GIMAP6: variants seen among roughly 807,000 people sequenced by gnomAD.
GIMAP6 encodes the protein GTPase, IMAP family member 6.
GIMAP6 carries 6 observed loss-of-function variants against 9.3 expected under a neutral mutation model. That is an observed-to-expected ratio of 0.65 (90% confidence interval 0.35 to 1.27). The LOEUF (loss-of-function observed/expected upper bound fraction) is 1.27. Among genes scored for constraint, GIMAP6 ranks in the 50% most tolerant of loss-of-function variants. GIMAP6 has a pLI of 0.03. For synonymous variants in GIMAP6, 156 were observed against 151.1 expected (o/e 1.03, Z -0.24); for missense variants, 333 against 359.5 (o/e 0.93, Z 0.60).
chr7:150,632,102 C>T (rs1563338485), intron 1 of GIMAP6, 67 bp downstream of exon 1: 2 of 152,204 alleles, frequency 1.3e-5, no homozygotes, highest in East Asian at 3.8e-4. Context: ...CATGTAAACA[C>T]ACATGTACAA....
intron 2 of GIMAP6, 199 bp from the exon 3 acceptor site, chr7:150,628,711 C>A: frequency 6.6e-7 from 1 of 1,506,910 alleles, no homozygotes; most frequent in Non-Finnish European, 8.8e-7. Context: ...TCTCCCAGTG[C>A]AAGAGCAGAG....
chr7:150,628,998 T>G (rs1270634846), intron 2 of GIMAP6, among the ~76,000 whole-genome samples: 2 of 152,246 alleles, frequency 1.3e-5, no homozygotes, highest in African/African-American at 4.8e-5. Flanking sequence ...CCAACAGGCC[T>G]TGCTGTGGCC....
At chr7:150,630,168 A>G (rs1444008115) in intron 1 of GIMAP6, 26 bp from the exon 2 acceptor site, 8 of 1,168,348 alleles carry the variant, frequency 6.8e-6, no homozygotes, top group Admixed American at 4.7e-5. Context: ...AAAAAAAAAA[A>G]TCATATGTTC....
In GIMAP6 at chr7:150,627,802, C is replaced by T; in HGVS notation, c.796G>A (p.Glu266Lys). Residue 266 changes from glutamate (E) to lysine (K), a missense_variant, in exon 3 of 3, where the codon GAG becomes AAG. Transcript: ENST00000328902. ...TGGGACAGTCCTTCCAGCCAAGACT[C>T]CTCACCAGGCACGTCCTCAGAGCCT... ...GQGSEDVPGE[E>K]SWLEGLSQIQ... 6.2e-7 allele frequency: 1 copy of T among 1,614,258 alleles called. No individual in the cohort carries two copies. The highest frequency in any genetic ancestry group is 1.1e-5 in the South Asian group (1 of 91,088).
Position 150,628,091 on chromosome 7 carries a change from A to G in GIMAP6, c.507T>C (p.Ala169=). The G allele has an allele frequency of 1.1e-5, 18 of 1,614,172 alleles. No individual in the cohort carries two copies. Among genetic ancestry groups the G allele is most frequent in the Non-Finnish European group, 1.4e-5 (17 of 1,180,010 alleles). The change falls in exon 3 of 3, where the codon GCT becomes GCC. Residue 169 remains alanine (A), a synonymous_variant. Transcript: ENST00000328902. ...GCACATAGTCTTCCAGGGAGCCGCC[A>G]GCCAGGTCTTCCTTCCGGGTGAACA... is the stretch of plus-strand genomic sequence containing the variant. ...ILVFTRKEDL[A]GGSLEDYVRE...
Position 150,626,594 on chromosome 7 carries a change from G to C in GIMAP6, c.*1125C>G, listed in dbSNP as rs1239458650. The C allele has an allele frequency of 6.6e-6, 1 of 152,236 alleles. No homozygotes were observed. The highest frequency in any genetic ancestry group is 2.1e-4 in the South Asian group (1 of 4,828). The allele number at this position is 152,236 out of a possible 1,614,324, so 9.4% of individuals were successfully genotyped here. On this transcript the variant is annotated 3_prime_UTR_variant, in exon 3 of 3. Transcript: ENST00000328902. ...ACAGCCTTCCAGGAAAACATCATGG[G>C]CTTCAGAGTTCTCCCATAAACCAGG...
intron 2 of GIMAP6, among the ~76,000 whole-genome samples, chr7:150,629,621 T>C (rs1464306890): frequency 2.0e-5 from 3 of 152,114 alleles, no homozygotes; most frequent in African/African-American, 7.2e-5. Context: ...ATTCTGCTTG[T>C]GCACAAGGCG....
rs945978046 is a variant in GIMAP6 at position 150,627,466 on chromosome 7, T to C, written c.*253A>G. On this transcript the variant is annotated 3_prime_UTR_variant, in exon 3 of 3. Coordinates refer to ENST00000328902, the MANE Select transcript of GIMAP6 (RefSeq NM_024711.6). ...AAAGGCAATGCAATGAGATAGAAGG[T>C]CCAATAGGAAGACAGCGTGCTGTTG... The C allele has an allele frequency of 8.8e-6, 5 of 569,642 alleles. No homozygotes were observed. In the African/African-American group the frequency reaches 9.4e-5, roughly 11 times the overall value. 35.3% of individuals were successfully genotyped at this position (569,642 alleles called of 1,614,324 possible).
In GIMAP6 at chr7:150,626,292, C is replaced by T. The variant is rs1796291166; in HGVS notation, c.*1427G>A. On this transcript the variant is annotated 3_prime_UTR_variant, in exon 3 of 3. Coordinates refer to ENST00000328902, the MANE Select transcript of GIMAP6 (RefSeq NM_024711.6). The stretch of plus-strand genomic sequence containing the variant: ...CACCAGCTGTACTTCCCGCCCCTCT[C>T]GGGAGAAACTAGCTAAAGGCCCCCT... The T allele has an allele frequency of 1.3e-5, 2 of 152,348 alleles. No homozygotes were observed. Among genetic ancestry groups the T allele is most frequent in the Non-Finnish European group, 2.9e-5 (2 of 68,152 alleles). 9.4% of individuals were successfully genotyped at this position (152,348 alleles called of 1,614,324 possible).
Position 150,627,623 on chromosome 7 carries a change from C to T in GIMAP6, c.*96G>A. ...TACACCAGACGTCATGACCTGGAGA[C>T]TGGGAAGCACTCCATGGGATGGAAA... is the stretch of plus-strand genomic sequence containing the variant. On this transcript the variant is annotated 3_prime_UTR_variant, in exon 3 of 3. Transcript: ENST00000328902. 6.7e-7 allele frequency: 1 copy of T among 1,491,682 alleles called. No individual in the cohort carries two copies. The highest frequency in any genetic ancestry group is 9.3e-7 in the Non-Finnish European group (1 of 1,073,464). 92.4% of individuals were successfully genotyped at this position (1,491,682 alleles called of 1,614,324 possible).
rs1796277744 is a variant in GIMAP6, at chr7:150,625,479, A to T, written c.*2240T>A. On this transcript the variant is annotated 3_prime_UTR_variant, in exon 3 of 3. Coordinates refer to ENST00000328902, the MANE Select transcript of GIMAP6 (RefSeq NM_024711.6). ...TGGTCAAATGCTTGTGTTTTCTATT[A>T]TGACATTACTTAAGCTAATAGAGTT... The T allele has an allele frequency of 6.6e-6, 1 of 152,250 alleles. No individual in the cohort carries two copies. Among genetic ancestry groups the T allele is most frequent in the African/African-American group, 2.4e-5 (1 of 41,468 alleles). 9.4% of individuals were successfully genotyped at this position (152,250 alleles called of 1,614,324 possible).
chr7:150,630,155 A>G lies in GIMAP6; in HGVS notation c.1-13T>C. ...CTTCTTCCTCCATCTACAAAAAAAAAAAAAAAAAAAAAATCATATGTTCTA... is the reference window on the plus strand; with the variant it reads ...CTTCTTCCTCCATCTACAAAAAAAAGAAAAAAAAAAAAATCATATGTTCTA... On this transcript the variant is annotated splice_polypyrimidine_tract_variant and intron_variant, in intron 1 of 2. Coordinates refer to ENST00000328902, the MANE Select transcript of GIMAP6 (RefSeq NM_024711.6). The G allele has an allele frequency of 1.3e-6, 2 of 1,523,032 alleles. No homozygotes were observed. The highest frequency in any genetic ancestry group is 2.3e-5 in the Admixed American group (1 of 44,356). The allele number at this position is 1,523,032 out of a possible 1,614,324, so 94.3% of individuals were successfully genotyped here. A position where few individuals can be genotyped will look rare whatever the true frequency, so the allele number is the denominator to read the frequency against.
At chr7:150,629,610 C>T (rs1386200867) in intron 2 of GIMAP6, among the ~76,000 whole-genome samples, 2 of 152,160 alleles carry the variant, frequency 1.3e-5, no homozygotes, top group Non-Finnish European at 2.9e-5. Context: ...CAGCCAAGTA[C>T]ATTCTGCTTG....
At chr7:150,628,730 G>C in intron 2 of GIMAP6, 3 of 1,473,044 alleles carry the variant, frequency 2.0e-6, no homozygotes. Context: ...AGCCTAGAAA[G>C]AAGAGCGAGA....
Position 150,628,485 on chromosome 7 carries a change from G to T in GIMAP6, c.113C>A (p.Pro38Gln), listed in dbSNP as rs1277737851. The T allele has an allele frequency of 1.2e-6, 2 of 1,613,922 alleles. No homozygotes were observed. The highest frequency in any genetic ancestry group is 1.7e-6 in the Non-Finnish European group (2 of 1,180,014). ...CATGAGAATGAGCCTCAGTCTCCTTGGGGTCTTCTGTTCTTTCTCCCTTAG... is the reference window on the plus strand; with the variant it reads ...CATGAGAATGAGCCTCAGTCTCCTTTGGGTCTTCTGTTCTTTCTCCCTTAG... ...GGLREKEQKT[P>Q]RRLRLILMGK... The change falls in exon 3 of 3, where the codon CCA (proline) becomes CAA (glutamine). Residue 38 changes from proline (P) to glutamine (Q), a missense_variant. Physicochemically the swap from Pro to Gln is moderately conservative, Grantham distance 76 (BLOSUM62 -1). Transcript: ENST00000328902.
In GIMAP6 at chr7:150,628,400, G is replaced by A. The variant is rs199567311; in HGVS notation, c.198C>T (p.Phe66=). 187 of 1,614,052 alleles carry A rather than the reference G, an allele frequency of 1.2e-4. No homozygotes were observed. The highest frequency in any genetic ancestry group is 2.3e-4 in the African/African-American group (17 of 74,924). ...TGNSILGRDV[F]ESKLSTRPVT... ...CGGGTCTGGTGCTGAGTTTAGACTC[G>A]AAGACGTCCCTGCCGAGGATGCTGT... The change falls in exon 3 of 3, where the codon TTC becomes TTT. Residue 66 remains phenylalanine, a synonymous_variant. Coordinates refer to ENST00000328902, the MANE Select transcript of GIMAP6 (RefSeq NM_024711.6).
chr7:150,628,629 C>T, intron 2 of GIMAP6, 117 bp from the exon 3 acceptor site: 1 of 1,591,852 alleles, frequency 6.3e-7, no homozygotes, highest in Non-Finnish European at 8.5e-7. Flanking sequence ...TGTAAAAGAC[C>T]AACATCTGCC....
intron 1 of GIMAP6, among the ~76,000 whole-genome samples, chr7:150,630,701 G>T (rs1233624870): frequency 6.6e-6 from 1 of 152,178 alleles, no homozygotes; most frequent in Non-Finnish European, 1.5e-5. Flanking sequence ...GGGATTGCAG[G>T]GGCTGAGCTG....
At position 150,628,142 on chromosome 7, in the gene GIMAP6, C is replaced by T; in HGVS notation, c.456G>A (p.Val152=). ...VVRRLQEVFG[V]GVLGHTILVF... ...CCAGGATGGTGTGACCCAGAACCCC[C>T]ACTCCAAAGACCTCCTGCAGGCGCC... The change falls in exon 3 of 3, where the codon GTG becomes GTA. Residue 152 remains valine, a synonymous_variant. Coordinates refer to ENST00000328902, the MANE Select transcript of GIMAP6 (RefSeq NM_024711.6). The T allele has an allele frequency of 6.2e-7, 1 of 1,614,236 alleles. No homozygotes were observed. The highest frequency in any genetic ancestry group is 8.5e-7 in the Non-Finnish European group (1 of 1,180,038).
Sources: allele counts gnomAD v4.1 joint callset (sites outside exome capture counted in the v4.1 genomes callset), GRCh38; gene constraint gnomAD v4.1.1; transcripts MANE v1.5; gene names NCBI Gene and HGNC (gene_info 2026-07-23, HGNC 2026-07-21).